Variants in GUCY1A2 observed in about 807,000 individuals in gnomAD.
GUCY1A2 encodes guanylate cyclase soluble subunit alpha-2.
A neutral mutation model predicts 63.5 loss-of-function variants in GUCY1A2; 27 were observed. The observed-to-expected ratio is 0.43, with a 90% CI of 0.31 to 0.59. The LOEUF is 0.59. Ranked by LOEUF, GUCY1A2 falls within the 20% of genes least tolerant of loss-of-function variation. The probability of loss-of-function intolerance (pLI) is 0.11; values close to 1 mark genes in which losing one functional copy is unlikely to be tolerated. For missense variants in GUCY1A2, 768 were observed against 913.3 expected (o/e 0.84, Z 2.05); for synonymous variants, 364 against 343.5 (o/e 1.06, Z -0.66).
intron 6 of GUCY1A2, among the ~76,000 whole-genome samples, chr11:106,716,604 G>A (rs1274298342): frequency 1.3e-5 from 2 of 151,568 alleles, no homozygotes; most frequent in African/African-American, 2.4e-5. Context: ...ACAGTTCCCC[G>A]AGGTTAGCAA....
intron 4 of GUCY1A2, among the ~76,000 whole-genome samples, chr11:106,928,467 G>C (rs186893534): frequency 4.7e-5 from 7 of 150,278 alleles, no homozygotes; most frequent in Non-Finnish European, 8.9e-5. Context: ...TCAGATTTTT[G>C]ACCCCCCTGT....
intron 7 of GUCY1A2, among the ~76,000 whole-genome samples, chr11:106,693,614 A>G (rs1862664768): frequency 6.6e-6 from 1 of 152,134 alleles, no homozygotes; most frequent in Non-Finnish European, 1.5e-5. Context: ...ATTTTGGCTT[A>G]GTCAGACATT....
chr11:106,738,325 C>A (rs905249876), intron 6 of GUCY1A2, among the ~76,000 whole-genome samples: 1 of 152,154 alleles, frequency 6.6e-6, no homozygotes, highest in Non-Finnish European at 1.5e-5. Context: ...CAAAAACTTT[C>A]TCCCATTCTC....
intron 6 of GUCY1A2, among the ~76,000 whole-genome samples, chr11:106,759,906 G>A (rs1864036172): frequency 6.6e-6 from 1 of 152,184 alleles, no homozygotes; most frequent in South Asian, 2.1e-4. Context: ...CAGCATTCCA[G>A]CCTAGGTGAC....
chr11:106,765,651 CT>C (rs1343651594), intron 6 of GUCY1A2, among the ~76,000 whole-genome samples: 1 of 152,146 alleles, frequency 6.6e-6, no homozygotes, highest in African/African-American at 2.4e-5. Flanking sequence ...CTTTTCTCCC[CT>C]GGGACACCCC....
intron 6 of GUCY1A2, among the ~76,000 whole-genome samples, chr11:106,736,704 T>A: frequency 6.6e-6 from 1 of 152,202 alleles, no homozygotes; most frequent in East Asian, 1.9e-4. Flanking sequence ...GCATTGAATC[T>A]GTAGATTGCT....
rs557734505 is a variant in GUCY1A2 at position 106,749,033 on chromosome 11, A to G, written c.1836+27406T>C. 2.6e-5 allele frequency among the ~76,000 whole-genome samples: 4 copies of G among 152,220 alleles called. No individual in the cohort carries two copies. In the South Asian group the frequency reaches 8.3e-4, roughly 32 times the overall value. ...ACAATGGCAATCCCTTAAGATTATAATACTGTATTTTCACTATACCTTTTC... is the reference window on the plus strand; with the variant it reads ...ACAATGGCAATCCCTTAAGATTATAGTACTGTATTTTCACTATACCTTTTC... On this transcript the variant is annotated intron_variant, in intron 6 of 7. Transcript: ENST00000526355.
chr11:106,943,413 G>A (rs948870199), intron 3 of GUCY1A2, among the ~76,000 whole-genome samples: 2 of 152,102 alleles, frequency 1.3e-5, no homozygotes, highest in African/African-American at 4.8e-5. Flanking sequence ...CTTATTAATG[G>A]GTAAGTTAAG....
chr11:106,829,144 T>G (rs938688429), intron 4 of GUCY1A2, among the ~76,000 whole-genome samples: 1 of 152,222 alleles, frequency 6.6e-6, no homozygotes, highest in African/African-American at 2.4e-5. Flanking sequence ...TCCCTTGGAT[T>G]TGTACAGCAT....
chr11:106,810,553 G>A, intron 4 of GUCY1A2, 75 bp from the exon 5 acceptor site: 2 of 1,222,412 alleles, frequency 1.6e-6, no homozygotes, highest in Non-Finnish European at 2.3e-6. Flanking sequence ...ATTATCTGAT[G>A]AATAGAAAGA....
At chr11:106,982,204 C>T (rs1861345653) in intron 2 of GUCY1A2, among the ~76,000 whole-genome samples, 1 of 152,106 alleles carries the variant, frequency 6.6e-6, no homozygotes, top group African/African-American at 2.4e-5. Flanking sequence ...AAAACACAAT[C>T]TTTCCACAAC....
intron 6 of GUCY1A2, among the ~76,000 whole-genome samples, chr11:106,737,586 C>G (rs1342297344): frequency 6.6e-6 from 1 of 152,120 alleles, no homozygotes; most frequent in South Asian, 2.1e-4. Flanking sequence ...TGTGTGATGT[C>G]CCCTCCCTGT....
At chr11:106,827,120 C>T (rs10890600) in intron 4 of GUCY1A2, 599,626 of 1,475,138 alleles carry the variant, frequency 0.41, 123,637 homozygotes, top group Admixed American at 0.57. Context: ...TCACACATAG[C>T]TTCAAGGTGA....
At chr11:106,834,626 A>C (rs752275220) in intron 4 of GUCY1A2, among the ~76,000 whole-genome samples, 5 of 152,060 alleles carry the variant, frequency 3.3e-5, no homozygotes, top group Non-Finnish European at 5.9e-5. Flanking sequence ...CAAACAAAAA[A>C]AGTAGATTTT....
chr11:106,853,398 T>A (rs1237434232), intron 4 of GUCY1A2, among the ~76,000 whole-genome samples: 1 of 152,078 alleles, frequency 6.6e-6, no homozygotes, highest in Non-Finnish European at 1.5e-5. Context: ...GGAAGCTCTA[T>A]CTTCAAGTTT....
At chr11:106,893,020 CAA>C (rs1387325761) in intron 4 of GUCY1A2, among the ~76,000 whole-genome samples, 1 of 151,600 alleles carries the variant, frequency 6.6e-6, no homozygotes, top group African/African-American at 2.4e-5. Context: ...ATAACAACAA[CAA>C]AAAAAAGTTT....
intron 4 of GUCY1A2, among the ~76,000 whole-genome samples, chr11:106,861,189 C>T (rs978306059): frequency 2.0e-5 from 3 of 151,934 alleles, no homozygotes; most frequent in Admixed American, 2.0e-4. Context: ...GGTTGCAGAC[C>T]TCATAACCCC....
At chr11:106,976,591 A>G (rs1215348281) in intron 3 of GUCY1A2, among the ~76,000 whole-genome samples, 1 of 152,202 alleles carries the variant, frequency 6.6e-6, no homozygotes, top group Non-Finnish European at 1.5e-5. Flanking sequence ...CCTCTGTGCC[A>G]GCATCTGGTT....
intron 4 of GUCY1A2, among the ~76,000 whole-genome samples, chr11:106,828,589 A>C (rs898464092): frequency 2.0e-5 from 3 of 152,214 alleles, no homozygotes; most frequent in African/African-American, 7.2e-5. Context: ...CTGGGGAATT[A>C]TTGTATCAAG....
Sources: gnomAD v4.1 joint callset for allele counts (sites outside exome capture counted in the v4.1 genomes callset) on GRCh38, gnomAD v4.1.1 for gene constraint, MANE v1.5 for transcripts, NCBI Gene and HGNC (gene_info 2026-07-23, HGNC 2026-07-21) for gene names.